Variants in LPP observed in about 807,000 individuals in gnomAD.
The protein encoded by LPP is LIM domain containing preferred translocation partner in lipoma.
A neutral mutation model predicts 60.4 loss-of-function variants in LPP; 38 were observed. That is an observed-to-expected ratio of 0.63 (90% CI 0.49 to 0.83). LPP has a LOEUF of 0.83. LPP is among the 40% of genes least tolerant of loss of function. The probability of loss-of-function intolerance (pLI) is 0.00; values close to 1 mark genes in which losing one functional copy is unlikely to be tolerated. For synonymous variants in LPP, 328 were observed against 290.8 expected (o/e 1.13, Z -1.30); for missense variants, 902 against 783.6 (o/e 1.15, Z -1.80).
intron 8 of LPP, among the ~76,000 whole-genome samples, chr3:188,749,624 T>G (rs1727425920): frequency 6.6e-6 from 1 of 152,138 alleles, no homozygotes; most frequent in African/African-American, 2.4e-5. Context: ...TGGGCTGAGT[T>G]GCAACTCTGC....
chr3:188,863,000 T>C (rs1312642930), intron 9 of LPP, among the ~76,000 whole-genome samples: 2 of 152,150 alleles, frequency 1.3e-5, no homozygotes, highest in Non-Finnish European at 2.9e-5. Context: ...TATCCCTCTA[T>C]GATCCTTACA....
chr3:188,508,298 T>C (rs1250292283), intron 5 of LPP, among the ~76,000 whole-genome samples: 1 of 152,112 alleles, frequency 6.6e-6, no homozygotes, highest in African/African-American at 2.4e-5. Context: ...GAAGAATCCT[T>C]TGGAAAAAAA....
chr3:188,627,820 C>T (rs578086396), intron 7 of LPP, among the ~76,000 whole-genome samples: 1 of 152,216 alleles, frequency 6.6e-6, no homozygotes, highest in South Asian at 2.1e-4. Context: ...ACATTCTTCT[C>T]ATCTGCACAT....
At chr3:188,664,306 T>C (rs896516041) in intron 7 of LPP, among the ~76,000 whole-genome samples, 51 of 152,378 alleles carry the variant, frequency 3.3e-4, no homozygotes, top group African/African-American at 1.2e-3. Context: ...TCTGTGAAGA[T>C]GTGTTTCTTA....
Position 188,886,321 on chromosome 3 carries a change from A to G in LPP, c.*11842A>G, listed in dbSNP as rs1240275691. On this transcript the variant is annotated 3_prime_UTR_variant, in exon 12 of 12. Transcript: ENST00000617246. ...TATAATAATAATGAAATAAAATTAA[A>G]AAAAAAAAAGAAAAGTGCCTCACCT... 1 of 173,630 alleles carries G rather than the reference A, an allele frequency of 5.8e-6. No individual in the cohort carries two copies. Among genetic ancestry groups the G allele is most frequent in the East Asian group, 1.0e-4 (1 of 9,848 alleles). The allele number at this position is 173,630 out of a possible 1,614,324, so 10.8% of individuals were successfully genotyped here.
intron 5 of LPP, among the ~76,000 whole-genome samples, chr3:188,512,498 G>A (rs1415062728): frequency 6.6e-6 from 1 of 151,924 alleles, no homozygotes; most frequent in African/African-American, 2.4e-5. Context: ...GTTTCAATGA[G>A]CCAAGGTTGC....
chr3:188,565,348 C>G (rs987748987), intron 6 of LPP, among the ~76,000 whole-genome samples: 1 of 151,894 alleles, frequency 6.6e-6, no homozygotes, highest in Non-Finnish European at 1.5e-5. Context: ...GGGACTTCAC[C>G]CCAGATGTTT....
chr3:188,783,690 C>A (rs1429893297), intron 9 of LPP, among the ~76,000 whole-genome samples: 3 of 149,168 alleles, frequency 2.0e-5, no homozygotes, highest in Non-Finnish European at 4.4e-5. Context: ...TTCACATATA[C>A]CCCTGAACCT....
chr3:188,779,455 G>A (rs1056046689), intron 9 of LPP, among the ~76,000 whole-genome samples: 3 of 152,152 alleles, frequency 2.0e-5, no homozygotes, highest in Non-Finnish European at 4.4e-5. Flanking sequence ...CACATGTGCC[G>A]TTTGGTTCCC....
intron 2 of LPP, among the ~76,000 whole-genome samples, chr3:188,226,522 A>G (rs553852850): frequency 6.6e-6 from 1 of 152,280 alleles, no homozygotes; most frequent in African/African-American, 2.4e-5. Flanking sequence ...AGAGTAGAAC[A>G]TTATGTTCTA....
At chr3:188,548,666 G>A (rs187989783) in intron 6 of LPP, among the ~76,000 whole-genome samples, 21 of 152,274 alleles carry the variant, frequency 1.4e-4, no homozygotes, top group Non-Finnish European at 2.4e-4. Flanking sequence ...GAAAGAGAAG[G>A]CAGAAAAGGA....
intron 9 of LPP, among the ~76,000 whole-genome samples, chr3:188,769,165 A>C (rs1735079679): frequency 6.6e-6 from 1 of 152,212 alleles, no homozygotes; most frequent in South Asian, 2.1e-4. Flanking sequence ...GAATGCTAAA[A>C]AAGTTTTGCA....
At chr3:188,776,689 A>G (rs982899552) in intron 9 of LPP, among the ~76,000 whole-genome samples, 1 of 152,212 alleles carries the variant, frequency 6.6e-6, no homozygotes, top group Non-Finnish European at 1.5e-5. Flanking sequence ...CTTAAAAGCT[A>G]TGAAAGAAGC....
At chr3:188,673,868 G>T (rs7631000) in intron 7 of LPP, among the ~76,000 whole-genome samples, 1 of 150,922 alleles carries the variant, frequency 6.6e-6, no homozygotes, top group Admixed American at 6.6e-5. Flanking sequence ...CTTTCTTTCT[G>T]TCTCTGTAAT....
At chr3:188,335,418 T>C (rs1160492365) in intron 2 of LPP, among the ~76,000 whole-genome samples, 1 of 152,212 alleles carries the variant, frequency 6.6e-6, no homozygotes, top group Non-Finnish European at 1.5e-5. Flanking sequence ...TTAAATGTAT[T>C]GGTGGATTCA....
At chr3:188,347,772 G>A (rs142988865) in intron 3 of LPP, among the ~76,000 whole-genome samples, 1 of 152,142 alleles carries the variant, frequency 6.6e-6, no homozygotes, top group Non-Finnish European at 1.5e-5. Context: ...TGTGTGGGGG[G>A]GCCAGAAGAG....
chr3:188,676,162 G>T (rs558098318), intron 7 of LPP, among the ~76,000 whole-genome samples: 2 of 152,178 alleles, frequency 1.3e-5, no homozygotes, highest in Non-Finnish European at 2.9e-5. Context: ...TATTCTGGTG[G>T]AATCGAATTC....
At chr3:188,810,626 C>G (rs1438745186) in intron 9 of LPP, among the ~76,000 whole-genome samples, 1 of 152,044 alleles carries the variant, frequency 6.6e-6, no homozygotes, top group African/African-American at 2.4e-5. Context: ...TAGGAAAAAA[C>G]AGTATGTATA....
At chr3:188,796,590 G>A (rs1212163120) in intron 9 of LPP, among the ~76,000 whole-genome samples, 3 of 152,040 alleles carry the variant, frequency 2.0e-5, no homozygotes, top group Non-Finnish European at 2.9e-5. Context: ...TCTCCTCATC[G>A]TTTCCCAGAG....
Sources: allele counts gnomAD v4.1 joint callset (sites outside exome capture counted in the v4.1 genomes callset), GRCh38; gene constraint gnomAD v4.1.1; transcripts MANE v1.5; gene names NCBI Gene and HGNC (gene_info 2026-07-23, HGNC 2026-07-21).